TBCK: variants seen among roughly 807,000 people sequenced by gnomAD.
TBCK encodes TBC domain-containing protein kinase-like protein.
A neutral mutation model predicts 113.4 loss-of-function variants in TBCK; 99 were observed. The ratio of observed to expected loss-of-function variants is 0.87; its 90% CI spans 0.74 to 1.03. The LOEUF (loss-of-function observed/expected upper bound fraction) is 1.03, where lower values mean the gene tolerates loss of function less well. TBCK is among the 50% of genes least tolerant of loss of function. The pLI is 0.00. For synonymous variants in TBCK, 369 were observed against 370.8 expected (o/e 1.00, Z 0.05); for missense variants, 1,045 against 1,061.3 (o/e 0.98, Z 0.21).
intron 22 of TBCK, among the ~76,000 whole-genome samples, chr4:106,176,135 T>A (rs1191484681): frequency 6.6e-6 from 1 of 152,160 alleles, no homozygotes; most frequent in Non-Finnish European, 1.5e-5. Flanking sequence ...AACAGGGTAA[T>A]CAGAACATCT....
intron 25 of TBCK, among the ~76,000 whole-genome samples, chr4:106,080,134 T>A (rs1003845012): frequency 5.3e-5 from 8 of 152,122 alleles, no homozygotes; most frequent in African/African-American, 1.9e-4. Flanking sequence ...TCAACATTAT[T>A]CCTGTGAAAC....
intron 19 of TBCK, among the ~76,000 whole-genome samples, chr4:106,225,842 T>G (rs1466923701): frequency 6.6e-6 from 1 of 152,136 alleles, no homozygotes; most frequent in Non-Finnish European, 1.5e-5. Flanking sequence ...GACATTGTCT[T>G]GCATATCTGT....
intron 6 of TBCK, 96 bp downstream of exon 6, chr4:106,251,770 C>G: frequency 2.7e-6 from 3 of 1,116,900 alleles, no homozygotes; most frequent in Non-Finnish European, 3.5e-6. Flanking sequence ...TTAATTTGTA[C>G]AGCAAAAACA....
chr4:106,122,277 G>C (rs1321668941), intron 23 of TBCK, among the ~76,000 whole-genome samples: 2 of 152,090 alleles, frequency 1.3e-5, no homozygotes, highest in Non-Finnish European at 2.9e-5. Flanking sequence ...AAATCTAAAA[G>C]AAATGGATAA....
chr4:106,279,742 G>A (rs1399171313), intron 3 of TBCK, among the ~76,000 whole-genome samples: 2 of 152,086 alleles, frequency 1.3e-5, no homozygotes, highest in Non-Finnish European at 2.9e-5. Flanking sequence ...TTTATTCTAT[G>A]TGGTTGCAAA....
rs192479951 is a variant in TBCK, at chr4:106,044,389, C to A, written c.*2181G>T. 8 of 152,272 alleles carry A rather than the reference C, an allele frequency of 5.3e-5. No homozygotes were observed. The East Asian group carries it at 1.5e-3, about 29-fold the overall frequency. The allele number at this position is 152,272 out of a possible 1,614,324, so 9.4% of individuals were successfully genotyped here. ...GGCCCAAAAACAATGTTAGTGAAAT[C>A]TTGGTATATATTTGTTCTCATTAAT... On this transcript the variant is annotated 3_prime_UTR_variant, in exon 26 of 26. Coordinates refer to ENST00000394708, the MANE Select transcript of TBCK (RefSeq NM_001163435.3).
At chr4:106,127,671 TTGTG>T (rs750755969) in intron 23 of TBCK, among the ~76,000 whole-genome samples, 1 of 151,216 alleles carries the variant, frequency 6.6e-6, no homozygotes. Flanking sequence ...GTGTGCATGT[TTGTG>T]TGTGTGTGTG....
At chr4:106,185,837 T>C (rs953143547) in intron 22 of TBCK, among the ~76,000 whole-genome samples, 10 of 152,090 alleles carry the variant, frequency 6.6e-5, no homozygotes, top group African/African-American at 2.4e-4. Context: ...CCCAGGTAAT[T>C]AGCATAGAAC....
At chr4:106,238,793 G>C (rs1171453799) in intron 12 of TBCK, 1 of 152,078 alleles carries the variant, frequency 6.6e-6, no homozygotes, top group Admixed American at 6.6e-5. Flanking sequence ...AGGGACCCTC[G>C]AATACAGGGA....
chr4:106,163,396 C>T (rs1053201740), intron 23 of TBCK: 1 of 152,346 alleles, frequency 6.6e-6, no homozygotes, highest in African/African-American at 2.4e-5. Context: ...GTTCCAACCT[C>T]AGCCTGTTAT....
At chr4:106,248,181 A>G (rs1761042150) in intron 9 of TBCK, 64 bp downstream of exon 9, 1 of 1,168,856 alleles carries the variant, frequency 8.6e-7, no homozygotes, top group Non-Finnish European at 1.2e-6. Flanking sequence ...TTAAAACAAG[A>G]AAAAAACCAA....
Position 106,169,108 on chromosome 4 carries a change from A to G in TBCK, c.2235+1987T>C, listed in dbSNP as rs140806844. Among the ~76,000 whole-genome samples the G allele has an allele frequency of 5.3e-5, 8 of 152,226 alleles. No homozygotes were observed. In the East Asian group the frequency reaches 1.5e-3, roughly 29 times the overall value. On this transcript the variant is annotated intron_variant, in intron 23 of 25. Transcript: ENST00000394708. ...TGGTCCCAAGCATCTTTGAAAAGAG[A>G]CAATCAACCTGTATTGTCAACAGTT...
At chr4:106,231,413 G>C (rs1471642099) in intron 18 of TBCK, among the ~76,000 whole-genome samples, 1 of 151,644 alleles carries the variant, frequency 6.6e-6, no homozygotes, top group Non-Finnish European at 1.5e-5. Flanking sequence ...GGAGATGCAA[G>C]GTTATGGAAA....
At chr4:106,195,941 C>T (rs1476649238) in intron 20 of TBCK, among the ~76,000 whole-genome samples, 1 of 151,982 alleles carries the variant, frequency 6.6e-6, no homozygotes, top group Non-Finnish European at 1.5e-5. Context: ...AACCCTAATA[C>T]AGTCCTCATA....
chr4:106,278,169 G>A (rs910351019), intron 3 of TBCK, among the ~76,000 whole-genome samples: 15 of 152,148 alleles, frequency 9.9e-5, no homozygotes, highest in Non-Finnish European at 1.5e-5. Flanking sequence ...GTGAGAATTT[G>A]TAAGTATCTG....
At chr4:106,085,464 A>T (rs1739390173) in intron 25 of TBCK, among the ~76,000 whole-genome samples, 2 of 152,208 alleles carry the variant, frequency 1.3e-5, no homozygotes, top group African/African-American at 4.8e-5. Flanking sequence ...AGATTCATAA[A>T]ATAAGTTCTT....
chr4:106,204,046 T>A (rs985140190), intron 20 of TBCK, among the ~76,000 whole-genome samples: 10 of 152,150 alleles, frequency 6.6e-5, no homozygotes, highest in African/African-American at 2.4e-4. Flanking sequence ...CTTCTAAATA[T>A]GAATCATGCT....
At chr4:106,211,465 A>G (rs1174795280) in intron 20 of TBCK, among the ~76,000 whole-genome samples, 7 of 152,124 alleles carry the variant, frequency 4.6e-5, no homozygotes, top group African/African-American at 1.7e-4. Context: ...TTCAAAAATA[A>G]CACAATGCAT....
chr4:106,091,761 G>T (rs1740275081), intron 25 of TBCK, among the ~76,000 whole-genome samples: 1 of 152,198 alleles, frequency 6.6e-6, no homozygotes, highest in Non-Finnish European at 1.5e-5. Flanking sequence ...AAGAGCAAAA[G>T]AACAAAGCTT....
Sources: gnomAD v4.1 joint callset for allele counts (sites outside exome capture counted in the v4.1 genomes callset) on GRCh38, gnomAD v4.1.1 for gene constraint, MANE v1.5 for transcripts, NCBI Gene and HGNC (gene_info 2026-07-23, HGNC 2026-07-21) for gene names.